MID1: variants seen among roughly 807,000 people sequenced by gnomAD.
MID1 encodes E3 ubiquitin-protein ligase Midline-1.
In MID1, 7 loss-of-function variants were observed where a neutral mutation model predicts 40.4. The ratio of observed to expected loss-of-function variants is 0.17; its 90% confidence interval spans 0.10 to 0.33. The LOEUF is 0.33. Ranked by LOEUF, MID1 falls within the 10% of genes least tolerant of loss-of-function variation. The probability of loss-of-function intolerance (pLI) is 1.00; values close to 1 mark genes in which losing one functional copy is unlikely to be tolerated. For missense variants in MID1, 367 were observed against 558.5 expected, an observed-to-expected ratio of 0.66 and a Z score of 3.46; for synonymous variants, 229 against 221.2, an observed-to-expected ratio of 1.04 and a Z score of -0.31.
chrX:10,690,476 C>G (rs780643855), intron 1 of MID1, among the ~76,000 whole-genome samples: 10 of 112,166 alleles, frequency 8.9e-5, no homozygotes, highest in Non-Finnish European at 1.9e-4. Context: ...ATTCAAGAAA[C>G]TAGGTATAAT....
chrX:10,665,652 G>A (rs375182416), intron 1 of MID1, among the ~76,000 whole-genome samples: 13 of 108,008 alleles, frequency 1.2e-4, no homozygotes, highest in African/African-American at 2.4e-4. Flanking sequence ...CTCAGTCTCC[G>A]GAGTAGATGG....
chrX:10,807,257 T>G (rs1252201102), intron 1 of MID1, among the ~76,000 whole-genome samples: 1 of 110,774 alleles, frequency 9.0e-6, no homozygotes, highest in Non-Finnish European at 1.9e-5. Flanking sequence ...AAAAAAAAAA[T>G]TAGTTCTGGG....
intron 1 of MID1, among the ~76,000 whole-genome samples, chrX:10,644,901 G>A (rs1936246019): frequency 8.9e-6 from 1 of 112,073 alleles, no homozygotes; most frequent in African/African-American, 3.2e-5. Context: ...TAATTCCACT[G>A]GGACTTTTAT....
chrX:10,712,465 C>T (rs142102436), intron 1 of MID1, among the ~76,000 whole-genome samples: 22 of 111,118 alleles, frequency 2.0e-4, no homozygotes, highest in African/African-American at 3.9e-4. Flanking sequence ...AAACTCACTG[C>T]GTATATGGCC....
intron 1 of MID1, among the ~76,000 whole-genome samples, chrX:10,727,412 C>T (rs911203392): frequency 8.9e-6 from 1 of 112,944 alleles, no homozygotes; most frequent in African/African-American, 3.2e-5. Flanking sequence ...AGCCACTGTG[C>T]CCAGCCTCAT....
chrX:10,785,851 A>C (rs1327158355), intron 1 of MID1, among the ~76,000 whole-genome samples: 1 of 112,363 alleles, frequency 8.9e-6, no homozygotes, highest in Non-Finnish European at 1.9e-5. Context: ...TTAGACCTAA[A>C]ACCATAAAAA....
At chrX:10,822,533 A>G (rs2044182435) in intron 1 of MID1, among the ~76,000 whole-genome samples, 1 of 112,146 alleles carries the variant, frequency 8.9e-6, no homozygotes, top group Admixed American at 9.5e-5. Flanking sequence ...AGAAACTATC[A>G]TCAGAGTGAA....
intron 3 of MID1, among the ~76,000 whole-genome samples, chrX:10,508,797 A>T (rs1041168610): frequency 3.2e-4 from 36 of 111,984 alleles, no homozygotes; most frequent in African/African-American, 9.7e-5. Context: ...AGACAGAAAT[A>T]CCGAAGCCAG....
At chrX:10,518,903 G>A (rs187958172) in intron 3 of MID1, among the ~76,000 whole-genome samples, 68 of 111,808 alleles carry the variant, frequency 6.1e-4, no homozygotes, top group African/African-American at 1.7e-3. Context: ...AGCCTGTATT[G>A]CAACTAAAAT....
intron 1 of MID1, among the ~76,000 whole-genome samples, chrX:10,808,570 A>G (rs940149914): frequency 9.2e-6 from 1 of 108,919 alleles, no homozygotes; most frequent in Non-Finnish European, 1.9e-5. Flanking sequence ...CCTATGGTAC[A>G]CCTCCCTATG....
rs867505461 is a variant in MID1, at chrX:10,465,222, C to T, written c.1285+4475G>A. On this transcript the variant is annotated intron_variant, in intron 7 of 9. Transcript: ENST00000317552. ...ATATATATATATATATATACACACA[C>T]ACACACACACACACACACACACACA... Among the ~76,000 whole-genome samples the T allele has an allele frequency of 9.8e-3, 730 of 74,741 alleles. 3 individuals are homozygous for T. Among genetic ancestry groups the T allele is most frequent in the African/African-American group, 0.02 (396 of 20,178 alleles). The allele number at this position is 74,741 out of a possible 115,157, so 64.9% of individuals were successfully genotyped here.
intron 1 of MID1, among the ~76,000 whole-genome samples, chrX:10,732,541 C>A (rs918025309): frequency 3.6e-5 from 4 of 112,071 alleles, no homozygotes; most frequent in Admixed American, 9.5e-5. Context: ...TTCAACATTG[C>A]TAAAATGTCA....
At chrX:10,485,951 A>G (rs1481164394) in intron 4 of MID1, among the ~76,000 whole-genome samples, 2 of 111,909 alleles carry the variant, frequency 1.8e-5, no homozygotes, top group Non-Finnish European at 3.8e-5. Context: ...TCAGAAGTCT[A>G]CCATAGATCT....
chrX:10,589,286 C>G (rs1039020446), intron 1 of MID1, among the ~76,000 whole-genome samples: 15 of 111,791 alleles, frequency 1.3e-4, no homozygotes, highest in African/African-American at 4.9e-4. Context: ...CATGCTTCCA[C>G]TCAAATGGAG....
chrX:10,515,039 C>T (rs1376797386), intron 3 of MID1, among the ~76,000 whole-genome samples: 2 of 111,866 alleles, frequency 1.8e-5, no homozygotes, highest in Non-Finnish European at 3.8e-5. Flanking sequence ...CAAGATCAGA[C>T]ACACGTTCAC....
intron 1 of MID1, among the ~76,000 whole-genome samples, chrX:10,733,566 A>T (rs1033720733): frequency 8.9e-6 from 1 of 112,246 alleles, no homozygotes; most frequent in Non-Finnish European, 1.9e-5. Context: ...ACACACAGAC[A>T]TATACACACA....
chrX:10,730,664 C>T (rs954170247), intron 1 of MID1, among the ~76,000 whole-genome samples: 3 of 107,453 alleles, frequency 2.8e-5, no homozygotes, highest in Non-Finnish European at 3.8e-5. Context: ...CTCCGCCTCC[C>T]GTGTTCACGC....
chrX:10,644,693 A>G (rs936392751), intron 1 of MID1, among the ~76,000 whole-genome samples: 9 of 111,015 alleles, frequency 8.1e-5, no homozygotes, highest in African/African-American at 2.9e-4. Flanking sequence ...CAAGCAACCT[A>G]ATTAGTATCT....
At chrX:10,749,036 A>G (rs111876739) in intron 1 of MID1, among the ~76,000 whole-genome samples, 9,208 of 111,244 alleles carry the variant, frequency 0.083, 931 homozygotes, top group African/African-American at 0.28. Context: ...GCATAGCTGC[A>G]CTGCATAGTG....
Sources: gnomAD v4.1 joint callset for allele counts (sites outside exome capture counted in the v4.1 genomes callset) on GRCh38, gnomAD v4.1.1 for gene constraint, MANE v1.5 for transcripts, NCBI Gene and HGNC (gene_info 2026-07-23, HGNC 2026-07-21) for gene names.